Variants in DNAJC5 observed in about 807,000 individuals in gnomAD.
DNAJC5 encodes DnaJ heat shock protein family (Hsp40) member C5.
Under a neutral mutation model 23.2 loss-of-function variants are expected in DNAJC5, and 1 was observed. The ratio of observed to expected loss-of-function variants is 0.04; its 90% CI spans 0.02 to 0.20. DNAJC5 has a LOEUF of 0.20. Ranked by LOEUF, DNAJC5 falls within the 10% of genes least tolerant of loss-of-function variation. The pLI, the probability that DNAJC5 is intolerant of heterozygous loss-of-function variation, is 1.00. For synonymous variants in DNAJC5, 136 were observed against 120.0 expected, an observed-to-expected ratio of 1.13 and a Z score of -0.87; for missense variants, 180 against 267.0, an observed-to-expected ratio of 0.67 and a Z score of 2.27.
At chr20:63,922,642 C>T (rs1272067829) in intron 1 of DNAJC5, among the ~76,000 whole-genome samples, 1 of 151,904 alleles carries the variant, frequency 6.6e-6, no homozygotes, top group Non-Finnish European at 1.5e-5. Context: ...TGGTGGCTCA[C>T]GCCTGTAGTC....
At chr20:63,897,439 G>A (rs975297367) in intron 1 of DNAJC5, among the ~76,000 whole-genome samples, 8 of 152,062 alleles carry the variant, frequency 5.3e-5, no homozygotes, top group Non-Finnish European at 7.4e-5. Context: ...GGTGGTGGGC[G>A]TCCGTAATCC....
chr20:63,900,423 A>G lies in DNAJC5; in HGVS notation c.-12+5100A>G, dbSNP rs546649474. On this transcript the variant is annotated intron_variant, in intron 1 of 4. Transcript: ENST00000360864. ...AAAACCCCATCTGTACTAAAACTAGAAACAATTAGCCGGGTATGGTGACAT... is the reference window on the plus strand; with the variant it reads ...AAAACCCCATCTGTACTAAAACTAGGAACAATTAGCCGGGTATGGTGACAT... Among the ~76,000 whole-genome samples the G allele has an allele frequency of 7.8e-4, 118 of 151,936 alleles. 1 individual carries two copies. The highest frequency in any genetic ancestry group is 2.8e-3 in the African/African-American group (114 of 41,436).
intron 1 of DNAJC5, among the ~76,000 whole-genome samples, chr20:63,922,219 C>T (rs1024560351): frequency 3.3e-5 from 5 of 151,944 alleles, no homozygotes; most frequent in Admixed American, 6.6e-5. Flanking sequence ...CCCAGCACTT[C>T]GAGAGGCCGA....
At chr20:63,923,868 C>G (rs965664511) in intron 1 of DNAJC5, among the ~76,000 whole-genome samples, 1 of 152,228 alleles carries the variant, frequency 6.6e-6, no homozygotes, top group African/African-American at 2.4e-5. Context: ...CGCTCTTGAG[C>G]CAGAACGACC....
chr20:63,901,262 A>G (rs1470779852), intron 1 of DNAJC5, among the ~76,000 whole-genome samples: 2 of 152,142 alleles, frequency 1.3e-5, no homozygotes, highest in South Asian at 2.1e-4. Flanking sequence ...ACTGTGCTCA[A>G]TCTGCGTTCT....
In DNAJC5 at chr20:63,932,022, C is replaced by T. The variant is rs1459237502; in HGVS notation, c.*454C>T. The T allele has an allele frequency of 3.1e-6, 1 of 317,576 alleles. No individual in the cohort carries two copies. Among genetic ancestry groups the T allele is most frequent in the East Asian group, 8.5e-5 (1 of 11,762 alleles). The allele number at this position is 317,576 out of a possible 1,614,324, so 19.7% of individuals were successfully genotyped here. A position where few individuals can be genotyped will look rare whatever the true frequency, so the allele number is the denominator to read the frequency against. On this transcript the variant is annotated 3_prime_UTR_variant, in exon 5 of 5. Transcript: ENST00000360864. This position sits in a 1 kb window ranked among gnomAD's most constrained non-coding sequence, Gnocchi z 4.4. ...TGGCAGAGCTGTGTTACCGTCTTGG[C>T]CTCGGGGTCTGGTCCACACTCTGTG...
At chr20:63,897,137 G>C (rs1423940361) in intron 1 of DNAJC5, among the ~76,000 whole-genome samples, 1 of 152,224 alleles carries the variant, frequency 6.6e-6, no homozygotes, top group African/African-American at 2.4e-5. Flanking sequence ...GCTCATGCCT[G>C]TAATCTCAGC....
At chr20:63,904,872 C>T (rs1199024670) in intron 1 of DNAJC5, among the ~76,000 whole-genome samples, 1 of 152,156 alleles carries the variant, frequency 6.6e-6, no homozygotes, top group African/African-American at 2.4e-5. Context: ...GGCGCGATCT[C>T]GGCTCACTGC....
At chr20:63,914,490 G>T (rs2146284579) in intron 1 of DNAJC5, among the ~76,000 whole-genome samples, 1 of 151,880 alleles carries the variant, frequency 6.6e-6, no homozygotes. Flanking sequence ...AATTTTTTTT[G>T]GTATTTTTTG....
At position 63,912,700 on chromosome 20, in the gene DNAJC5, C is replaced by T. The variant is rs973501688; in HGVS notation, c.-11-15635C>T. Among the ~76,000 whole-genome samples, 11 of 152,284 alleles carry T rather than the reference C, an allele frequency of 7.2e-5. No homozygotes were observed. In the East Asian group the frequency reaches 9.7e-4, roughly 13 times the overall value. On this transcript the variant is annotated intron_variant, in intron 1 of 4. Coordinates refer to ENST00000360864, the MANE Select transcript of DNAJC5 (RefSeq NM_025219.3). ...TCAGCTCACTGCAACCTCCAACTCC[C>T]GGGTTCAAGCGATTCTTGTGACTCA...
rs1196099588 is a variant in DNAJC5, at chr20:63,920,414, C to CGTCT, written c.-11-7919_-11-7916dup. 6.9e-6 allele frequency among the ~76,000 whole-genome samples: 1 copy of CGTCT among 145,560 alleles called. No homozygotes were observed. Among genetic ancestry groups the CGTCT allele is most frequent in the African/African-American group, 2.7e-5 (1 of 37,246 alleles). On this transcript the variant is annotated intron_variant, in intron 1 of 4. Transcript: ENST00000360864. The surrounding 1 kb of genome is among the most constrained non-coding windows in gnomAD (Gnocchi z 4.6). ...CGTCAGCAGGGCTCTCGTCCGCCAA[C>CGTCT]GTCTGGTGGGGATGCCCGCCATGCG...
chr20:63,901,314 T>C (rs2053409841), intron 1 of DNAJC5, among the ~76,000 whole-genome samples: 1 of 152,188 alleles, frequency 6.6e-6, no homozygotes, highest in Non-Finnish European at 1.5e-5. Context: ...TGCTGGCAGG[T>C]CGGAAGATGG....
intron 1 of DNAJC5, among the ~76,000 whole-genome samples, chr20:63,903,197 G>T (rs991188791): frequency 6.6e-6 from 1 of 151,596 alleles, no homozygotes; most frequent in East Asian, 2.0e-4. Flanking sequence ...GCCTTCCTGG[G>T]CTCGATCCTC....
intron 1 of DNAJC5, among the ~76,000 whole-genome samples, chr20:63,899,738 C>A (rs150629571): frequency 6.6e-6 from 1 of 151,918 alleles, no homozygotes; most frequent in East Asian, 1.9e-4. Flanking sequence ...GTCGCCACCA[C>A]GCCAGGCTAA....
intron 1 of DNAJC5, among the ~76,000 whole-genome samples, chr20:63,914,381 C>G (rs1256974910): frequency 6.6e-6 from 1 of 152,028 alleles, no homozygotes; most frequent in Admixed American, 6.5e-5. Flanking sequence ...GTGGCGCGAT[C>G]TCCGCTCACT....
intron 1 of DNAJC5, among the ~76,000 whole-genome samples, chr20:63,921,406 ACGGTGAAACCC>A (rs1273699851): frequency 3.5e-4 from 54 of 152,120 alleles, no homozygotes; most frequent in Admixed American, 1.4e-3. Context: ...CCTGGCTAAC[ACGGTGAAACCC>A]CGTCTCTACT....
chr20:63,927,181 C>G (rs1405965867), intron 1 of DNAJC5, among the ~76,000 whole-genome samples: 2 of 151,350 alleles, frequency 1.3e-5, no homozygotes, highest in African/African-American at 2.4e-5. Context: ...TGTTCTGTGA[C>G]TGTCACGTCA....
Position 63,918,720 on chromosome 20 carries a change from G to A in DNAJC5, c.-11-9615G>A, listed in dbSNP as rs190428450. Among the ~76,000 whole-genome samples, 45 of 152,210 alleles carry A rather than the reference G, an allele frequency of 3.0e-4. No individual in the cohort carries two copies. In the East Asian group the frequency reaches 8.3e-3, roughly 28 times the overall value. ...ACACCATTCTCCGCCTCAGCCTCCCGAGTAGCTGGGACTACAGGCGCCCAC... is the reference window on the plus strand; with the variant it reads ...ACACCATTCTCCGCCTCAGCCTCCCAAGTAGCTGGGACTACAGGCGCCCAC... On this transcript the variant is annotated intron_variant, in intron 1 of 4. Coordinates refer to ENST00000360864, the MANE Select transcript of DNAJC5 (RefSeq NM_025219.3).
intron 1 of DNAJC5, among the ~76,000 whole-genome samples, chr20:63,901,196 C>A (rs1193760687): frequency 6.6e-6 from 1 of 152,224 alleles, no homozygotes; most frequent in Non-Finnish European, 1.5e-5. Flanking sequence ...AACTCCTGAA[C>A]TCAAGTAATC....
Sources: allele counts gnomAD v4.1 joint callset (sites outside exome capture counted in the v4.1 genomes callset), GRCh38; gene constraint gnomAD v4.1.1; non-coding constraint Gnocchi (gnomAD v3.1); transcripts MANE v1.5; gene names NCBI Gene and HGNC (gene_info 2026-07-23, HGNC 2026-07-21).